SFMBT1: variants seen among roughly 807,000 people sequenced by gnomAD.
The protein encoded by SFMBT1 is scm-like with four MBT domains protein 1.
Under a neutral mutation model 108.7 loss-of-function variants are expected in SFMBT1, and 32 were observed. That is an observed-to-expected ratio of 0.29 (90% CI 0.22 to 0.40). SFMBT1 has a LOEUF of 0.40. SFMBT1 is among the 10% of genes least tolerant of loss of function. The pLI is 1.00. For synonymous variants in SFMBT1, 348 were observed against 369.5 expected, an observed-to-expected ratio of 0.94 and a Z score of 0.67; for missense variants, 816 against 1,059.6, an observed-to-expected ratio of 0.77 and a Z score of 3.19.
intron 1 of SFMBT1, among the ~76,000 whole-genome samples, chr3:52,991,342 C>CTTTTTTTTTTTTTTTTTTTTTTTT (rs71087045): frequency 1.1e-5 from 1 of 91,214 alleles, no homozygotes; most frequent in Non-Finnish European, 2.2e-5. Flanking sequence ...GCTGAAACTT[C>CTTTTTTTTTTTTTTTTTTTTTTTT]TTTTTTTTTT....
intron 1 of SFMBT1, among the ~76,000 whole-genome samples, chr3:52,985,498 T>G (rs1704872750): frequency 6.6e-6 from 1 of 152,270 alleles, no homozygotes; most frequent in Non-Finnish European, 1.5e-5. Context: ...AAGTGTTTAT[T>G]ATTTTTTAAT....
At chr3:53,014,935 T>C (rs532939725) in intron 1 of SFMBT1, among the ~76,000 whole-genome samples, 8 of 152,236 alleles carry the variant, frequency 5.3e-5, no homozygotes, top group South Asian at 2.1e-4. Context: ...TAAAAAGTAA[T>C]AGGACCGGGA....
chr3:52,996,942 G>A (rs1308866071), intron 1 of SFMBT1, among the ~76,000 whole-genome samples: 2 of 149,456 alleles, frequency 1.3e-5, no homozygotes, highest in Admixed American at 6.8e-5. Context: ...AGTGGCGGTC[G>A]CCTGCAGTCC....
chr3:52,915,794 A>C (rs956669776), intron 14 of SFMBT1, among the ~76,000 whole-genome samples: 1 of 152,220 alleles, frequency 6.6e-6, no homozygotes, highest in Non-Finnish European at 1.5e-5. Context: ...AAAGGGTTTT[A>C]AAAAGAATAA....
intron 3 of SFMBT1, among the ~76,000 whole-genome samples, chr3:52,953,185 G>GA (rs1267832176): frequency 6.6e-6 from 1 of 152,202 alleles, no homozygotes. Flanking sequence ...CTAGGTCTAG[G>GA]ATGGGCACAG....
intron 1 of SFMBT1, among the ~76,000 whole-genome samples, chr3:53,032,336 C>T (rs1699715812): frequency 6.6e-6 from 1 of 152,168 alleles, no homozygotes; most frequent in African/African-American, 2.4e-5. Context: ...CACCCCTGCA[C>T]TCCAGCCTGG....
rs149702936 is a variant in SFMBT1 at position 52,975,345 on chromosome 3, T to C, written c.-130-6087A>G. On this transcript the variant is annotated intron_variant, in intron 1 of 20. Coordinates refer to ENST00000394752, the MANE Select transcript of SFMBT1 (RefSeq NM_016329.4). ...AATAGGGCATTTTTTTTCTTCTGAT[T>C]CTATGGTTGACCCAATAGGCCACTG... is the stretch of plus-strand genomic sequence containing the variant. Among the ~76,000 whole-genome samples the C allele has an allele frequency of 3.0e-3, 459 of 152,262 alleles. 3 individuals carry two copies. Among genetic ancestry groups the C allele is most frequent in the African/African-American group, 0.01 (417 of 41,544 alleles).
intron 12 of SFMBT1, 58 bp downstream of exon 12, chr3:52,920,479 G>A: frequency 1.6e-6 from 2 of 1,259,884 alleles, no homozygotes; most frequent in Non-Finnish European, 2.3e-6. Flanking sequence ...TTAATTGGCA[G>A]CAGCCACACA....
chr3:52,994,586 G>A (rs548328375), intron 1 of SFMBT1, among the ~76,000 whole-genome samples: 1 of 150,398 alleles, frequency 6.6e-6, no homozygotes, highest in Non-Finnish European at 1.5e-5. Flanking sequence ...CACAATCTCC[G>A]CCTCCTGGAT....
At chr3:53,037,316 A>G (rs1037359261) in intron 1 of SFMBT1, among the ~76,000 whole-genome samples, 1 of 152,168 alleles carries the variant, frequency 6.6e-6, no homozygotes, top group African/African-American at 2.4e-5. Context: ...GACAACAAAG[A>G]AAGTCATTTG....
chr3:53,030,706 A>AAAAC (rs1699656545), intron 1 of SFMBT1, among the ~76,000 whole-genome samples: 1 of 148,838 alleles, frequency 6.7e-6, no homozygotes, highest in African/African-American at 2.6e-5. Flanking sequence ...AAAAAAAAAA[A>AAAAC]TCTACTTGCT....
At chr3:52,983,634 G>T (rs1298125057) in intron 1 of SFMBT1, among the ~76,000 whole-genome samples, 1 of 152,204 alleles carries the variant, frequency 6.6e-6, no homozygotes. Context: ...ACACCAGAGG[G>T]AAATGAGGAA....
intron 2 of SFMBT1, among the ~76,000 whole-genome samples, chr3:52,958,039 G>A (rs966080113): frequency 6.6e-6 from 1 of 152,124 alleles, no homozygotes; most frequent in African/African-American, 2.4e-5. Flanking sequence ...AAGAATGGGA[G>A]AACATTTCTG....
chr3:52,918,123 C>T (rs1295983365), intron 13 of SFMBT1, among the ~76,000 whole-genome samples: 1 of 152,130 alleles, frequency 6.6e-6, no homozygotes, highest in African/African-American at 2.4e-5. Context: ...TTAGAGCTGT[C>T]TTCTACCCCA....
At chr3:52,948,932 G>C (rs1352148950) in intron 3 of SFMBT1, among the ~76,000 whole-genome samples, 1 of 141,778 alleles carries the variant, frequency 7.1e-6, no homozygotes, top group Non-Finnish European at 1.5e-5. Flanking sequence ...CAAAGTGCTG[G>C]GATTACAGGT....
intron 1 of SFMBT1, among the ~76,000 whole-genome samples, chr3:52,970,582 T>C (rs370403980): frequency 6.6e-6 from 1 of 152,176 alleles, no homozygotes; most frequent in African/African-American, 2.4e-5. Context: ...CAGGAAGGCA[T>C]GGCATGAACT....
intron 1 of SFMBT1, among the ~76,000 whole-genome samples, chr3:52,985,456 A>G (rs573284759): frequency 1.3e-5 from 2 of 152,234 alleles, no homozygotes; most frequent in Non-Finnish European, 2.9e-5. Flanking sequence ...GGCACACAGA[A>G]CACTGTCCAA....
chr3:53,033,733 T>C (rs1195770005), intron 1 of SFMBT1, among the ~76,000 whole-genome samples: 1 of 149,632 alleles, frequency 6.7e-6, no homozygotes, highest in Non-Finnish European at 1.5e-5. Flanking sequence ...TTCTCCTTTA[T>C]GTATAACTAC....
At chr3:52,956,620 G>A (rs891331330) in intron 2 of SFMBT1, among the ~76,000 whole-genome samples, 9 of 152,030 alleles carry the variant, frequency 5.9e-5, no homozygotes, top group Non-Finnish European at 1.3e-4. Flanking sequence ...AATTAGCCGG[G>A]TGTGGTGGCG....
Sources: gnomAD v4.1 joint callset for allele counts (sites outside exome capture counted in the v4.1 genomes callset) on GRCh38, gnomAD v4.1.1 for gene constraint, MANE v1.5 for transcripts, NCBI Gene and HGNC (gene_info 2026-07-23, HGNC 2026-07-21) for gene names.